The following PECAM1 variants were observed in gnomAD, a reference collection of about 807,000 sequenced individuals.
PECAM1 encodes platelet and endothelial cell adhesion molecule 1.
Under a neutral mutation model 13.8 loss-of-function variants are expected in PECAM1, and 8 were observed. That is an observed-to-expected ratio of 0.58 (90% CI 0.34 to 1.05). PECAM1 has a LOEUF of 1.05. PECAM1 is among the 50% of genes least tolerant of loss of function. PECAM1 has a pLI of 0.03. For missense variants in PECAM1, 304 were observed against 141.2 expected (o/e 2.15, Z -5.84); for synonymous variants, 136 against 52.6 (o/e 2.58, Z -6.86).
intron 2 of PECAM1, among the ~76,000 whole-genome samples, chr17:64,384,280 C>G (rs894931250): frequency 5.9e-5 from 9 of 152,144 alleles, no homozygotes; most frequent in Non-Finnish European, 1.3e-4. Context: ...AGATATGAGT[C>G]TCAGCTCTTC....
chr17:64,337,682 G>C (rs1283397072), intron 14 of PECAM1, among the ~76,000 whole-genome samples: 1 of 152,052 alleles, frequency 6.6e-6, no homozygotes, highest in Non-Finnish European at 1.5e-5. Flanking sequence ...TATAGTTTCT[G>C]CCTGAGGGGT....
intron 3 of PECAM1, among the ~76,000 whole-genome samples, chr17:64,376,085 C>T (rs946466902): frequency 9.2e-5 from 14 of 152,060 alleles, no homozygotes; most frequent in Non-Finnish European, 1.6e-4. Flanking sequence ...AGGTGGATCA[C>T]CTGAGGTCAG....
At chr17:64,353,688 C>T (rs1274903355) in intron 9 of PECAM1, among the ~76,000 whole-genome samples, 170 bp from the exon 10 acceptor site, 3 of 151,962 alleles carry the variant, frequency 2.0e-5, no homozygotes, top group Non-Finnish European at 2.9e-5. Context: ...TTTTCAGCTA[C>T]GTTTGACTTC....
In PECAM1 at chr17:64,366,416, C is replaced by T. The variant is rs1400990382; in HGVS notation, c.968-3019G>A. 1.8e-3 allele frequency among the ~76,000 whole-genome samples: 258 copies of T among 146,950 alleles called. 2 individuals carry two copies. The highest frequency in any genetic ancestry group is 6.1e-3 in the African/African-American group (249 of 40,874). ...TCAACCATTGTGGAAGTCAGTGTGG[C>T]GATTCCTCAGGGATCTAGAACTAGA... On this transcript the variant is annotated intron_variant, in intron 5 of 15. Transcript: ENST00000563924.
At chr17:64,326,805 C>G (rs1490383560) in intron 15 of PECAM1, among the ~76,000 whole-genome samples, 1 of 152,188 alleles carries the variant, frequency 6.6e-6, no homozygotes, top group Non-Finnish European at 1.5e-5. Flanking sequence ...CAGCCATCAG[C>G]CACCCAAGTG....
intron 9 of PECAM1, 35 bp downstream of exon 9, chr17:64,354,898 G>T: frequency 2.1e-6 from 1 of 474,884 alleles, no homozygotes; most frequent in South Asian, 6.8e-5. Context: ...TGGCAAGGAC[G>T]ACCAGTCAGT....
intron 4 of PECAM1, among the ~76,000 whole-genome samples, chr17:64,372,554 G>A (rs1024507263): frequency 2.0e-5 from 3 of 152,058 alleles, no homozygotes; most frequent in Non-Finnish European, 4.4e-5. Flanking sequence ...CACCCAGGCT[G>A]GAATGCAGTG....
At chr17:64,332,380 A>G (rs2143692274) in intron 14 of PECAM1, among the ~76,000 whole-genome samples, 1 of 152,298 alleles carries the variant, frequency 6.6e-6, no homozygotes, top group Admixed American at 6.5e-5. Flanking sequence ...CCAACAGCGA[A>G]AGAACCTCAA....
intron 14 of PECAM1, among the ~76,000 whole-genome samples, chr17:64,341,188 CG>C (rs2035419097): frequency 6.6e-6 from 1 of 151,484 alleles, no homozygotes; most frequent in South Asian, 2.1e-4. Context: ...CACTTAAATC[CG>C]GGAAGTGGAG....
intron 6 of PECAM1, among the ~76,000 whole-genome samples, chr17:64,361,129 ATGTGTGTGTGTGTGTGTGTG>A (rs145637288): frequency 1.5e-5 from 2 of 137,178 alleles, no homozygotes; most frequent in East Asian, 4.6e-4. Flanking sequence ...CTGAGCATAT[ATGTGTGTGTGTGTGTGTGTG>A]TGTGTGTGTG....
chr17:64,374,015 T>C (rs2036300627), intron 4 of PECAM1, among the ~76,000 whole-genome samples: 1 of 152,136 alleles, frequency 6.6e-6, no homozygotes, highest in Non-Finnish European at 1.5e-5. Context: ...TTGTTTGCTG[T>C]TTGTCCAACG....
intron 11 of PECAM1, among the ~76,000 whole-genome samples, chr17:64,351,215 C>A (rs2035716218): frequency 6.6e-6 from 1 of 152,106 alleles, no homozygotes; most frequent in African/African-American, 2.4e-5. Flanking sequence ...TTGCTCGTTT[C>A]TATTTACTGA....
intron 14 of PECAM1, among the ~76,000 whole-genome samples, chr17:64,330,953 C>T (rs2035097373): frequency 6.6e-6 from 1 of 152,208 alleles, no homozygotes; most frequent in East Asian, 1.9e-4. Context: ...CTATTGACTT[C>T]ACCAATTCCT....
rs2035466367 is a variant in PECAM1, at chr17:64,342,742, G to A, written c.2108-1052C>T. ...GCGTATACCTGGAGGAGACTCAAGG[G>A]CGCCCTTCCTGCCATCTGTTTACCT... is the stretch of plus-strand genomic sequence containing the variant. On this transcript the variant is annotated intron_variant, in intron 13 of 15. Transcript: ENST00000563924. Among the ~76,000 whole-genome samples the A allele has an allele frequency of 3.3e-5, 5 of 152,176 alleles. No individual in the cohort carries two copies. In the South Asian group the frequency reaches 1.0e-3, roughly 32 times the overall value.
chr17:64,322,344 C>T lies in PECAM1; in HGVS notation c.*1472G>A. ...GAGGTTGCAGTGAGCAGAGGTTGCG[C>T]CGCTGCAGTCCAGCCCGGGCAACAA... On this transcript the variant is annotated 3_prime_UTR_variant, in exon 16 of 16. Coordinates refer to ENST00000563924, the MANE Select transcript of PECAM1 (RefSeq NM_000442.5). The T allele has an allele frequency of 1.1e-6, 1 of 874,926 alleles. No homozygotes were observed. Among genetic ancestry groups the T allele is most frequent in the Non-Finnish European group, 1.4e-6 (1 of 728,396 alleles). The allele number at this position is 874,926 out of a possible 1,614,324, so 54.2% of individuals were successfully genotyped here.
chr17:64,321,921 A>T lies in PECAM1; in HGVS notation c.*1895T>A. The T allele has an allele frequency of 7.5e-7, 1 of 1,335,246 alleles. No homozygotes were observed. The highest frequency in any genetic ancestry group is 1.5e-5 in the African/African-American group (1 of 67,592). The allele number at this position is 1,335,246 out of a possible 1,614,324, so 82.7% of individuals were successfully genotyped here. On this transcript the variant is annotated 3_prime_UTR_variant, in exon 16 of 16. Coordinates refer to ENST00000563924, the MANE Select transcript of PECAM1 (RefSeq NM_000442.5). Reference sequence around the variant, plus strand: ...CAGGGGATCTGGCTGTCCCCAGATCATCAACAGAGACATGAAGGTCGTTAG... The same window carrying T: ...CAGGGGATCTGGCTGTCCCCAGATCTTCAACAGAGACATGAAGGTCGTTAG...
At chr17:64,371,459 C>T (rs895811129) in intron 4 of PECAM1, among the ~76,000 whole-genome samples, 8 of 152,018 alleles carry the variant, frequency 5.3e-5, no homozygotes, top group Non-Finnish European at 1.0e-4. Flanking sequence ...ACTGCCTGAG[C>T]TAAGGAGTTT....
chr17:64,349,309 T>G (rs1320265497), intron 12 of PECAM1, among the ~76,000 whole-genome samples: 1 of 152,096 alleles, frequency 6.6e-6, no homozygotes, highest in Non-Finnish European at 1.5e-5. Flanking sequence ...CATTTCAGGC[T>G]GGGTGTGGTG....
At chr17:64,355,538 CA>C (rs1314133440) in intron 8 of PECAM1, among the ~76,000 whole-genome samples, 1 of 152,086 alleles carries the variant, frequency 6.6e-6, no homozygotes, top group Non-Finnish European at 1.5e-5. Context: ...CTGCTCACTG[CA>C]ACCTCTACCT....
Sources: gnomAD v4.1 joint callset for allele counts (sites outside exome capture counted in the v4.1 genomes callset) on GRCh38, gnomAD v4.1.1 for gene constraint, MANE v1.5 for transcripts, NCBI Gene and HGNC (gene_info 2026-07-23, HGNC 2026-07-21) for gene names.